Variants in XXYLT1 observed in about 807,000 individuals in gnomAD.
XXYLT1 encodes UDP-xylose:alpha-xyloside alpha-1,3-xylosyltransferase.
XXYLT1 carries 20 observed loss-of-function variants against 28.9 expected under a neutral mutation model. That is an observed-to-expected ratio of 0.69 (90% CI 0.49 to 1.00). XXYLT1 has a LOEUF of 1.00. XXYLT1 is among the 50% of genes least tolerant of loss of function. XXYLT1 has a pLI of 0.00. For synonymous variants in XXYLT1, 257 were observed against 253.8 expected (o/e 1.01, Z -0.12); for missense variants, 542 against 560.1 (o/e 0.97, Z 0.33).
At chr3:195,137,712 G>A (rs768643233) in intron 3 of XXYLT1, among the ~76,000 whole-genome samples, 4 of 152,216 alleles carry the variant, frequency 2.6e-5, no homozygotes, top group Admixed American at 1.3e-4. Context: ...TATCGGACAC[G>A]GAGAAAGGGA....
chr3:195,266,664 C>T (rs1725859198), intron 1 of XXYLT1, among the ~76,000 whole-genome samples: 1 of 152,158 alleles, frequency 6.6e-6, no homozygotes, highest in Non-Finnish European at 1.5e-5. Flanking sequence ...GAAGGTTACC[C>T]AGAGGACAGG....
intron 1 of XXYLT1, among the ~76,000 whole-genome samples, chr3:195,252,727 C>G (rs12486227): frequency 0.092 from 10,934 of 118,630 alleles, 1,424 homozygotes; most frequent in African/African-American, 0.3. Flanking sequence ...CACACACACA[C>G]AGAGAGAGAG....
Position 195,122,276 on chromosome 3 carries a change from G to C in XXYLT1, c.785+34173C>G. 4.5e-6 allele frequency: 3 copies of C among 668,230 alleles called. No individual in the cohort carries two copies. In the Admixed American group the frequency reaches 6.3e-5, roughly 14 times the overall value. The allele number at this position is 668,230 out of a possible 1,614,324, so 41.4% of individuals were successfully genotyped here. A position where few individuals can be genotyped will look rare whatever the true frequency, so the allele number is the denominator to read the frequency against. On this transcript the variant is annotated intron_variant, in intron 3 of 3. Transcript: ENST00000310380. ...GATTTCAACACATGAATTTTGGGGGGATACAATTATTCAGTCCATTGCACC... is the reference window on the plus strand; with the variant it reads ...GATTTCAACACATGAATTTTGGGGGCATACAATTATTCAGTCCATTGCACC...
rs147670904 is a variant in XXYLT1 at position 195,191,366 on chromosome 3, A to C, written c.653-34785T>G. ...TCTTTATGATGATCTGCTTCTACTT[A>C]ATGAATAGTAAATATATTTTCCCTT... On this transcript the variant is annotated intron_variant, in intron 2 of 3. Coordinates refer to ENST00000310380, the MANE Select transcript of XXYLT1 (RefSeq NM_152531.5). Among the ~76,000 whole-genome samples the C allele has an allele frequency of 2.0e-5, 3 of 152,356 alleles. No individual in the cohort carries two copies. In the East Asian group the frequency reaches 5.8e-4, roughly 29 times the overall value.
chr3:195,137,160 G>A (rs2108640356), intron 3 of XXYLT1, among the ~76,000 whole-genome samples: 1 of 152,210 alleles, frequency 6.6e-6, no homozygotes, highest in East Asian at 1.9e-4. Context: ...GGCACTGAAG[G>A]GAAGAAAAAA....
intron 2 of XXYLT1, among the ~76,000 whole-genome samples, chr3:195,181,686 T>G (rs1433019642): frequency 2.0e-5 from 3 of 152,164 alleles, no homozygotes; most frequent in Non-Finnish European, 4.4e-5. Flanking sequence ...AGGAGAAGTC[T>G]TGGGCCCAAG....
rs779642497 is a variant in XXYLT1, at chr3:195,166,965, CCGCGCCCGGCCAT to C, written c.653-10397_653-10385del. On this transcript the variant is annotated intron_variant, in intron 2 of 3. Coordinates refer to ENST00000310380, the MANE Select transcript of XXYLT1 (RefSeq NM_152531.5). The stretch of plus-strand genomic sequence containing the variant: ...GTGCTGGGATTACAGGCGTGAGCCA[CCGCGCCCGGCCAT>C]GGGCCAATTATCTAGTAAAAGTCCT... Among the ~76,000 whole-genome samples the C allele has an allele frequency of 1.6e-3, 245 of 152,338 alleles. 1 individual carries two copies. The highest frequency in any genetic ancestry group is 3.4e-3 in the Middle Eastern group (1 of 294).
chr3:195,087,949 C>A (rs920597486), intron 3 of XXYLT1, among the ~76,000 whole-genome samples: 1 of 151,988 alleles, frequency 6.6e-6, no homozygotes, highest in Non-Finnish European at 1.5e-5. Flanking sequence ...AATCGGGTCA[C>A]TCCCACCTGA....
At chr3:195,164,118 A>G (rs994441563) in intron 2 of XXYLT1, among the ~76,000 whole-genome samples, 14 of 152,280 alleles carry the variant, frequency 9.2e-5, no homozygotes, top group Admixed American at 1.3e-4. Context: ...AAGAACTGAT[A>G]TAGAGCAGGA....
intron 1 of XXYLT1, among the ~76,000 whole-genome samples, chr3:195,233,891 C>T (rs12496607): frequency 0.097 from 14,753 of 152,080 alleles, 1,334 homozygotes; most frequent in African/African-American, 0.23. Context: ...TTATTTCAGA[C>T]TAAATAAATC....
At chr3:195,260,285 A>G (rs1725645086) in intron 1 of XXYLT1, among the ~76,000 whole-genome samples, 1 of 151,488 alleles carries the variant, frequency 6.6e-6, no homozygotes, top group South Asian at 2.1e-4. Flanking sequence ...GCCGCGGAGG[A>G]GGGGCCAGCC....
At chr3:195,262,248 C>A (rs1725719201) in intron 1 of XXYLT1, among the ~76,000 whole-genome samples, 1 of 152,204 alleles carries the variant, frequency 6.6e-6, no homozygotes, top group Admixed American at 6.5e-5. Flanking sequence ...CACATATTAG[C>A]TGAGCCCACT....
chr3:195,137,680 C>T (rs1719271180), intron 3 of XXYLT1, among the ~76,000 whole-genome samples: 1 of 152,196 alleles, frequency 6.6e-6, no homozygotes, highest in Non-Finnish European at 1.5e-5. Context: ...GGCTTCACAG[C>T]ACCAAGGAAA....
chr3:195,119,241 G>A (rs1453565942), intron 3 of XXYLT1, among the ~76,000 whole-genome samples: 4 of 145,834 alleles, frequency 2.7e-5, no homozygotes, highest in Non-Finnish European at 4.5e-5. Flanking sequence ...CCGAGATTGC[G>A]CCATTGCACT....
At chr3:195,233,529 G>A (rs1280141078) in intron 1 of XXYLT1, among the ~76,000 whole-genome samples, 1 of 152,048 alleles carries the variant, frequency 6.6e-6, no homozygotes, top group African/African-American at 2.4e-5. Context: ...TTAGACTTGA[G>A]GTTGCCATGA....
chr3:195,226,688 G>C (rs1245446360), intron 2 of XXYLT1, 21 bp downstream of exon 2: 3 of 1,609,460 alleles, frequency 1.9e-6, no homozygotes, highest in Non-Finnish European at 2.5e-6. Context: ...AGGGGCTATT[G>C]CTCCTGGAAG....
intron 2 of XXYLT1, among the ~76,000 whole-genome samples, chr3:195,194,389 A>G (rs1179679084): frequency 6.6e-6 from 1 of 152,178 alleles, no homozygotes; most frequent in East Asian, 1.9e-4. Context: ...CACTCCCAGA[A>G]TGGCTGTAGT....
intron 3 of XXYLT1, among the ~76,000 whole-genome samples, chr3:195,139,315 CAG>C (rs1553808800): frequency 1.3e-5 from 2 of 151,942 alleles, no homozygotes; most frequent in African/African-American, 4.9e-5. Context: ...GAAAGTCGAG[CAG>C]AGAGTCTGGC....
intron 1 of XXYLT1, among the ~76,000 whole-genome samples, chr3:195,228,985 C>G (rs1207502111): frequency 6.6e-6 from 1 of 151,620 alleles, no homozygotes; most frequent in African/African-American, 2.4e-5. Context: ...GCTAATTCTT[C>G]TACTTTTAGT....
Sources: gnomAD v4.1 joint callset for allele counts (sites outside exome capture counted in the v4.1 genomes callset) on GRCh38, gnomAD v4.1.1 for gene constraint, MANE v1.5 for transcripts, NCBI Gene and HGNC (gene_info 2026-07-23, HGNC 2026-07-21) for gene names.